CNTN5: variants seen among roughly 807,000 people sequenced by gnomAD.
CNTN5 encodes contactin-5.
Under a neutral mutation model 129.1 loss-of-function variants are expected in CNTN5, and 77 were observed. The ratio of observed to expected loss-of-function variants is 0.60; its 90% CI spans 0.50 to 0.72. The LOEUF (loss-of-function observed/expected upper bound fraction) is 0.72. Among genes scored for constraint, CNTN5 ranks in the 30% least tolerant of loss-of-function variants. The pLI is 0.00. For synonymous variants in CNTN5, 509 were observed against 465.6 expected (o/e 1.09, Z -1.20); for missense variants, 1,478 against 1,328.8 (o/e 1.11, Z -1.75).
intron 9 of CNTN5, among the ~76,000 whole-genome samples, chr11:100,021,209 G>A (rs1941122522): frequency 6.6e-6 from 1 of 152,056 alleles, no homozygotes; most frequent in African/African-American, 2.4e-5. Flanking sequence ...CTCTTTAAAT[G>A]TATTGAGACT....
At chr11:100,192,322 C>T (rs1195435291) in intron 14 of CNTN5, among the ~76,000 whole-genome samples, 3 of 151,988 alleles carry the variant, frequency 2.0e-5, no homozygotes, top group South Asian at 4.1e-4. Context: ...ATTTAAACTA[C>T]AGTGTACTGC....
chr11:100,219,567 T>C lies in CNTN5; in HGVS notation c.1885-5125T>C, dbSNP rs1027662158. On this transcript the variant is annotated intron_variant, in intron 15 of 24. Transcript: ENST00000524871. The stretch of plus-strand genomic sequence containing the variant: ...TACCTTGTGGCTAGGGAAAACACAA[T>C]TGTTTCTCCTCTTTAATCTATGTCA... Among the ~76,000 whole-genome samples, 19 of 152,188 alleles carry C rather than the reference T, an allele frequency of 1.2e-4. 1 individual carries two copies. Among genetic ancestry groups the C allele is most frequent in the Non-Finnish European group, 2.8e-4 (19 of 68,040 alleles).
chr11:99,921,137 TAA>T (rs1324716493), intron 7 of CNTN5, among the ~76,000 whole-genome samples: 2 of 152,182 alleles, frequency 1.3e-5, no homozygotes, highest in East Asian at 3.9e-4. Flanking sequence ...TTCTGTTGTT[TAA>T]GTCATCCAGT....
chr11:99,420,425 C>A (rs1942836518), intron 2 of CNTN5, among the ~76,000 whole-genome samples: 1 of 152,112 alleles, frequency 6.6e-6, no homozygotes, highest in Non-Finnish European at 1.5e-5. Flanking sequence ...CAAGATATTT[C>A]AGTGTTAATG....
At chr11:99,489,306 T>C (rs1380815077) in intron 2 of CNTN5, among the ~76,000 whole-genome samples, 1 of 152,174 alleles carries the variant, frequency 6.6e-6, no homozygotes, top group Non-Finnish European at 1.5e-5. Context: ...TGGATAAAAA[T>C]CAGCCTTCAA....
chr11:99,664,280 C>T (rs1952705049), intron 3 of CNTN5, among the ~76,000 whole-genome samples: 1 of 152,074 alleles, frequency 6.6e-6, no homozygotes, highest in Admixed American at 6.5e-5. Context: ...GATTGTGCTG[C>T]CCGAGTTCCC....
Position 100,155,822 on chromosome 11 carries a change from T to TAAGA in CNTN5, c.1581-35302_1581-35299dup, listed in dbSNP as rs1357608447. Among the ~76,000 whole-genome samples the TAAGA allele has an allele frequency of 7.9e-5, 12 of 151,974 alleles. No homozygotes were observed. In the South Asian group the frequency reaches 2.1e-3, roughly 26 times the overall value. On this transcript the variant is annotated intron_variant, in intron 13 of 24. Transcript: ENST00000524871. The stretch of plus-strand genomic sequence containing the variant: ...TGATGATTGGGCTATTATTTGTGTA[T>TAAGA]AAGAATGCTTGTGATTTTTGCACAT...
intron 2 of CNTN5, among the ~76,000 whole-genome samples, chr11:99,419,200 C>CTG (rs1942786213): frequency 6.6e-6 from 1 of 152,148 alleles, no homozygotes; most frequent in Non-Finnish European, 1.5e-5. Flanking sequence ...CTGAGCACAA[C>CTG]AGCACTGCAC....
chr11:99,910,153 G>T (rs17134650), intron 6 of CNTN5, among the ~76,000 whole-genome samples: 4,730 of 151,992 alleles, frequency 0.031, 245 homozygotes, highest in African/African-American at 0.11. Flanking sequence ...TCTTATTCTT[G>T]TTACCTAATT....
chr11:99,300,438 G>T (rs1743777466), intron 1 of CNTN5, among the ~76,000 whole-genome samples: 1 of 151,706 alleles, frequency 6.6e-6, no homozygotes, highest in African/African-American at 2.4e-5. Context: ...TGTATATGTT[G>T]AACCATCCTT....
At chr11:99,945,115 G>A (rs1270350035) in intron 7 of CNTN5, among the ~76,000 whole-genome samples, 1 of 152,060 alleles carries the variant, frequency 6.6e-6, no homozygotes, top group Non-Finnish European at 1.5e-5. Context: ...CAGCAAACCA[G>A]ACTATCATAG....
At chr11:99,576,197 G>C (rs1161011850) in intron 3 of CNTN5, among the ~76,000 whole-genome samples, 1 of 152,182 alleles carries the variant, frequency 6.6e-6, no homozygotes, top group East Asian at 1.9e-4. Context: ...ATGAGAGATT[G>C]AATTTTTTGT....
chr11:99,884,207 C>T (rs181627434), intron 6 of CNTN5, among the ~76,000 whole-genome samples: 1 of 152,174 alleles, frequency 6.6e-6, no homozygotes, highest in East Asian at 1.9e-4. Flanking sequence ...AACAATCAAA[C>T]ATCATCATTC....
At chr11:100,018,503 A>G (rs1177286110) in intron 9 of CNTN5, among the ~76,000 whole-genome samples, 1 of 151,930 alleles carries the variant, frequency 6.6e-6, no homozygotes, top group Admixed American at 6.6e-5. Flanking sequence ...GTGTCAATAG[A>G]TCATTCCTTT....
rs539979864 is a variant in CNTN5, at chr11:100,172,082, G to A, written c.1581-19044G>A. Among the ~76,000 whole-genome samples, 4 of 151,978 alleles carry A rather than the reference G, an allele frequency of 2.6e-5. No individual in the cohort carries two copies. In the South Asian group the frequency reaches 8.3e-4, roughly 32 times the overall value. ...AAAATATTTTAGCAGTGGAAATAAA[G>A]ACAGTAATTGCAATCCAGTCAAATG... On this transcript the variant is annotated intron_variant, in intron 13 of 24. Coordinates refer to ENST00000524871, the MANE Select transcript of CNTN5 (RefSeq NM_014361.4).
rs182767087 is a variant in CNTN5 at position 99,364,664 on chromosome 11, A to T, written c.-71+39180A>T. Among the ~76,000 whole-genome samples, 1,096 of 152,238 alleles carry T rather than the reference A, an allele frequency of 7.2e-3. 3 individuals carry two copies. Among genetic ancestry groups the T allele is most frequent in the Non-Finnish European group, 0.012 (796 of 68,000 alleles). Reference sequence around the variant, plus strand: ...CGTGAAAAAATTGATTGAAAATTTTAAAAAACTCTCCATTTATTTCATAAG... The same window carrying T: ...CGTGAAAAAATTGATTGAAAATTTTTAAAAACTCTCCATTTATTTCATAAG... On this transcript the variant is annotated intron_variant, in intron 2 of 24. Transcript: ENST00000524871.
At chr11:99,515,516 C>A (rs1480968923) in intron 2 of CNTN5, among the ~76,000 whole-genome samples, 1 of 151,972 alleles carries the variant, frequency 6.6e-6, no homozygotes, top group Non-Finnish European at 1.5e-5. Flanking sequence ...TTGAGATTCT[C>A]ATTTTATTTA....
intron 3 of CNTN5, among the ~76,000 whole-genome samples, chr11:99,649,524 G>A (rs143572793): frequency 1.3e-5 from 2 of 151,912 alleles, no homozygotes; most frequent in East Asian, 3.9e-4. Flanking sequence ...TGAATAATGA[G>A]CAGATACTGA....
chr11:99,383,440 C>G (rs1224351144), intron 2 of CNTN5, among the ~76,000 whole-genome samples: 3 of 152,126 alleles, frequency 2.0e-5, no homozygotes, highest in African/African-American at 7.2e-5. Flanking sequence ...CATAGACTGT[C>G]CCTAATCTCT....
Sources: gnomAD v4.1 joint callset for allele counts (sites outside exome capture counted in the v4.1 genomes callset) on GRCh38, gnomAD v4.1.1 for gene constraint, MANE v1.5 for transcripts, NCBI Gene and HGNC (gene_info 2026-07-23, HGNC 2026-07-21) for gene names.